KCNJ16: variants seen among roughly 807,000 people sequenced by gnomAD.
The protein encoded by KCNJ16 is potassium inwardly rectifying channel subfamily J member 16.
KCNJ16 carries 15 observed loss-of-function variants against 18.5 expected under a neutral mutation model. The ratio of observed to expected loss-of-function variants is 0.81; its 90% CI spans 0.54 to 1.25. KCNJ16 has a LOEUF of 1.25. Ranked by LOEUF, KCNJ16 falls within the 50% of genes most tolerant of loss-of-function variation. KCNJ16 has a pLI of 0.00. For synonymous variants in KCNJ16, 174 were observed against 186.5 expected (o/e 0.93, Z 0.55); for missense variants, 523 against 525.7 (o/e 0.99, Z 0.05).
intron 1 of KCNJ16, among the ~76,000 whole-genome samples, chr17:70,081,490 C>A (rs1460807412): frequency 1.3e-5 from 2 of 152,030 alleles, no homozygotes; most frequent in African/African-American, 4.8e-5. Flanking sequence ...CAAACAAAAC[C>A]AAACAGAAGC....
chr17:70,095,608 C>T (rs949362190), intron 1 of KCNJ16, among the ~76,000 whole-genome samples: 1 of 152,282 alleles, frequency 6.6e-6, no homozygotes, highest in South Asian at 2.1e-4. Flanking sequence ...TCGTGCCTGT[C>T]TTCCTTGCAA....
intron 2 of KCNJ16, among the ~76,000 whole-genome samples, chr17:70,123,456 T>G (rs1438737144): frequency 6.6e-6 from 1 of 152,188 alleles, no homozygotes; most frequent in Non-Finnish European, 1.5e-5. Context: ...GATTATAGCT[T>G]GGACATATAT....
At chr17:70,122,199 G>A (rs945072885) in intron 2 of KCNJ16, among the ~76,000 whole-genome samples, 4 of 150,758 alleles carry the variant, frequency 2.7e-5, no homozygotes, top group African/African-American at 9.8e-5. Flanking sequence ...TTGAGAAGGA[G>A]TCTTGCTGTG....
chr17:70,113,477 C>T (rs1485905339), intron 2 of KCNJ16, among the ~76,000 whole-genome samples: 1 of 152,084 alleles, frequency 6.6e-6, no homozygotes, highest in African/African-American at 2.4e-5. Context: ...TAAAAATACA[C>T]AAAGATGTGT....
At chr17:70,097,371 C>G (rs950832814) in intron 1 of KCNJ16, among the ~76,000 whole-genome samples, 1 of 151,978 alleles carries the variant, frequency 6.6e-6, no homozygotes, top group Non-Finnish European at 1.5e-5. Context: ...AACTAGGAAC[C>G]AAGAATGGAA....
intron 2 of KCNJ16, among the ~76,000 whole-genome samples, chr17:70,129,095 G>A (rs1304138614): frequency 1.3e-5 from 2 of 152,194 alleles, no homozygotes; most frequent in African/African-American, 4.8e-5. Context: ...GAAGGGAGGA[G>A]TTATTCACCC....
chr17:70,106,355 AG>A lies in KCNJ16; in HGVS notation c.-191+5590del, dbSNP rs545566968. 3.4e-3 allele frequency among the ~76,000 whole-genome samples: 514 copies of A among 152,324 alleles called. 1 individual carries two copies. Among genetic ancestry groups the A allele is most frequent in the African/African-American group, 0.012 (497 of 41,570 alleles). ...TGCCTCCTTTTCAAAAGCCTTTACT[AG>A]TATCTATATCTTAGATATTATTTAA... On this transcript the variant is annotated intron_variant, in intron 2 of 3. Transcript: ENST00000392671.
chr17:70,112,641 G>A (rs541262069), intron 2 of KCNJ16, among the ~76,000 whole-genome samples: 2 of 152,126 alleles, frequency 1.3e-5, no homozygotes, highest in South Asian at 2.1e-4. Context: ...ATGGCATTTT[G>A]ATTAAGTTAA....
At chr17:70,126,226 A>G (rs1480019280) in intron 2 of KCNJ16, among the ~76,000 whole-genome samples, 1 of 152,232 alleles carries the variant, frequency 6.6e-6, no homozygotes, top group Non-Finnish European at 1.5e-5. Context: ...TTCTTAAGAT[A>G]TCAGGACATC....
At chr17:70,103,307 T>C (rs934891688) in intron 2 of KCNJ16, among the ~76,000 whole-genome samples, 15 of 18,480 alleles carry the variant, frequency 8.1e-4, no homozygotes, top group East Asian at 7.0e-3. Context: ...TATATATATA[T>C]ATATATATAT....
intron 2 of KCNJ16, among the ~76,000 whole-genome samples, chr17:70,111,328 A>G (rs2073175498): frequency 6.6e-6 from 1 of 152,176 alleles, no homozygotes; most frequent in Non-Finnish European, 1.5e-5. Flanking sequence ...AGAGTGACAC[A>G]GCACTGAGCC....
chr17:70,134,086 GC>G lies in KCNJ16; in HGVS notation c.*743del, dbSNP rs2074153055. On this transcript the variant is annotated 3_prime_UTR_variant, in exon 4 of 4. Coordinates refer to ENST00000392671, the MANE Select transcript of KCNJ16 (RefSeq NM_170741.4). ...CCAACAAATGGAGACCAGAAACAAG[GC>G]AACCACGACCTTGCTAGGTTCTCTG... The G allele has an allele frequency of 6.0e-6, 1 of 167,076 alleles. No individual in the cohort carries two copies. Among genetic ancestry groups the G allele is most frequent in the African/African-American group, 2.4e-5 (1 of 41,430 alleles). The allele number at this position is 167,076 out of a possible 1,614,324, so 10.3% of individuals were successfully genotyped here.
In KCNJ16 at chr17:70,133,542, A is replaced by G. The variant is rs539071293; in HGVS notation, c.*198A>G. 2.1e-5 allele frequency: 11 copies of G among 520,650 alleles called. No individual in the cohort carries two copies. The South Asian group carries it at 2.3e-4, about 11-fold the overall frequency. 32.3% of individuals were successfully genotyped at this position (520,650 alleles called of 1,614,324 possible). ...TTATTAAAATTTTTCTTGTTCGCCAATTTTGTATTAAGAATGCTATTAAGC... is the reference window on the plus strand; with the variant it reads ...TTATTAAAATTTTTCTTGTTCGCCAGTTTTGTATTAAGAATGCTATTAAGC... On this transcript the variant is annotated 3_prime_UTR_variant, in exon 4 of 4. Coordinates refer to ENST00000392671, the MANE Select transcript of KCNJ16 (RefSeq NM_170741.4).
chr17:70,077,126 A>G (rs986941658), intron 1 of KCNJ16, among the ~76,000 whole-genome samples: 2 of 152,248 alleles, frequency 1.3e-5, no homozygotes, highest in Non-Finnish European at 1.5e-5. Flanking sequence ...CGAGTTAACA[A>G]AACAGCAAAG....
intron 2 of KCNJ16, among the ~76,000 whole-genome samples, chr17:70,122,948 C>T (rs1395277289): frequency 1.3e-5 from 2 of 152,196 alleles, no homozygotes; most frequent in Non-Finnish European, 2.9e-5. Flanking sequence ...TCATCCTAAT[C>T]CCAGTCATGA....
intron 2 of KCNJ16, among the ~76,000 whole-genome samples, chr17:70,117,879 T>C (rs1018082399): frequency 6.6e-6 from 1 of 152,158 alleles, no homozygotes; most frequent in Non-Finnish European, 1.5e-5. Context: ...AGAAACATCC[T>C]TGGGCTTTAG....
At chr17:70,094,339 G>C (rs2072255070) in intron 1 of KCNJ16, among the ~76,000 whole-genome samples, 1 of 152,178 alleles carries the variant, frequency 6.6e-6, no homozygotes, top group African/African-American at 2.4e-5. Context: ...GGCAGGAATA[G>C]CAATAGTTTC....
chr17:70,077,490 A>G (rs1270938207), intron 1 of KCNJ16, among the ~76,000 whole-genome samples: 3 of 152,202 alleles, frequency 2.0e-5, no homozygotes, highest in African/African-American at 4.8e-5. Flanking sequence ...GGCTAACAAT[A>G]TGCTCACCAA....
chr17:70,110,510 T>G (rs536923775), intron 2 of KCNJ16, among the ~76,000 whole-genome samples: 64 of 135,346 alleles, frequency 4.7e-4, no homozygotes, highest in African/African-American at 1.9e-3. Flanking sequence ...ACAAACTCAT[T>G]TCCGGCATCC....
Sources: gnomAD v4.1 joint callset for allele counts (sites outside exome capture counted in the v4.1 genomes callset) on GRCh38, gnomAD v4.1.1 for gene constraint, MANE v1.5 for transcripts, NCBI Gene and HGNC (gene_info 2026-07-23, HGNC 2026-07-21) for gene names.